Variants in ANXA8 observed in about 807,000 individuals in gnomAD.
ANXA8 encodes annexin A8.
ANXA8 carries 9 observed loss-of-function variants against 26.8 expected under a neutral mutation model. The ratio of observed to expected loss-of-function variants is 0.34; its 90% CI spans 0.20 to 0.59. The LOEUF (loss-of-function observed/expected upper bound fraction) is 0.59. Among genes scored for constraint, ANXA8 ranks in the 20% least tolerant of loss-of-function variants. The pLI is 0.84. For synonymous variants in ANXA8, 39 were observed against 94.8 expected (o/e 0.41, Z 3.42); for missense variants, 83 against 238.5 (o/e 0.35, Z 4.29).
chr10:47,701,700 A>G, the ANXA8 span, among the ~76,000 whole-genome samples: 1 of 151,788 alleles, frequency 6.6e-6, no homozygotes, highest in Non-Finnish European at 1.5e-5. Context: ...GGAAGGATAA[A>G]CCAGAAACTA....
chr10:47,678,719 G>A, the ANXA8 span, among the ~76,000 whole-genome samples: 1 of 151,768 alleles, frequency 6.6e-6, no homozygotes, highest in African/African-American at 2.4e-5. Context: ...AGAAAAGTGG[G>A]GAAAGGTAGA....
the ANXA8 span, among the ~76,000 whole-genome samples, chr10:47,575,219 G>A: frequency 7.9e-5 from 10 of 127,386 alleles, no homozygotes; most frequent in African/African-American, 1.8e-4. Context: ...AAAAAAAAAA[G>A]AAAGAAAGCA....
At chr10:47,682,473 T>C in the ANXA8 span, among the ~76,000 whole-genome samples, 22 of 133,014 alleles carry the variant, frequency 1.7e-4, no homozygotes, top group East Asian at 4.2e-4. Flanking sequence ...CTTTTTCTTT[T>C]TTTTTTTTTT....
chr10:47,685,392 GT>G, the ANXA8 span, among the ~76,000 whole-genome samples: 3 of 150,150 alleles, frequency 2.0e-5, no homozygotes, highest in Non-Finnish European at 4.4e-5. Context: ...AAAAAACCTT[GT>G]GTTTTGTGGA....
the ANXA8 span, among the ~76,000 whole-genome samples, chr10:47,939,334 C>T: frequency 1.7e-3 from 236 of 136,542 alleles, 22 homozygotes; most frequent in African/African-American, 6.6e-3. Flanking sequence ...GCACAAGTGG[C>T]ATGGTCTTGC....
chr10:47,955,934 T>C, the ANXA8 span: 7 of 85,638 alleles, frequency 8.2e-5, 1 homozygote, highest in South Asian at 3.1e-3. Context: ...TTTTCTTTCT[T>C]TATATCCTTA....
At chr10:47,732,727 T>G in the ANXA8 span, among the ~76,000 whole-genome samples, 1 of 147,922 alleles carries the variant, frequency 6.8e-6, no homozygotes, top group Non-Finnish European at 1.5e-5. Context: ...TTTTACATCT[T>G]TTTTTTTTTT....
the ANXA8 span, among the ~76,000 whole-genome samples, chr10:47,674,949 G>A: frequency 6.7e-6 from 1 of 150,286 alleles, no homozygotes; most frequent in Non-Finnish European, 1.5e-5. Flanking sequence ...AGTATATTTA[G>A]AGACTAAAGC....
At chr10:47,765,972 C>T in the ANXA8 span, among the ~76,000 whole-genome samples, 1 of 150,254 alleles carries the variant, frequency 6.7e-6, no homozygotes, top group Non-Finnish European at 1.5e-5. Flanking sequence ...CAAGATGAAC[C>T]CCCAGCATCT....
chr10:47,487,248 G>A, upstream of ANXA8: 1 of 1,244,154 alleles, frequency 8.0e-7, no homozygotes, highest in African/African-American at 1.5e-5. Context: ...TATTGAGACT[G>A]GGGAAGGGCC....
chr10:47,703,548 A>G, the ANXA8 span, among the ~76,000 whole-genome samples: 1 of 150,154 alleles, frequency 6.7e-6, no homozygotes, highest in Non-Finnish European at 1.5e-5. Context: ...AGCCTGGGCA[A>G]CAGAGTGAGA....
the ANXA8 span, chr10:47,503,311 G>C: frequency 6.3e-7 from 1 of 1,594,152 alleles, no homozygotes; most frequent in Admixed American, 1.7e-5. Context: ...GATGGTGTCA[G>C]CATGATTCTC....
At chr10:47,603,665 C>G in the ANXA8 span, among the ~76,000 whole-genome samples, 1 of 149,086 alleles carries the variant, frequency 6.7e-6, no homozygotes, top group Non-Finnish European at 1.5e-5. Flanking sequence ...GCAGGCACCA[C>G]CACGCCTGGC....
the ANXA8 span, among the ~76,000 whole-genome samples, chr10:47,523,963 C>T: frequency 3.3e-5 from 5 of 150,550 alleles, no homozygotes; most frequent in East Asian, 4.2e-4. Context: ...ATGCCCTCCC[C>T]GACACCTCAC....
chr10:47,565,038 A>G, the ANXA8 span: 1 of 805,710 alleles, frequency 1.2e-6, no homozygotes, highest in Non-Finnish European at 2.2e-6. Flanking sequence ...GCCATCGCCT[A>G]CATCATGAAG....
chr10:47,755,820 T>C, the ANXA8 span, among the ~76,000 whole-genome samples: 1 of 143,828 alleles, frequency 7.0e-6, no homozygotes, highest in South Asian at 2.3e-4. Context: ...CTGCTTAACC[T>C]GTTTCTAGGG....
At chr10:47,656,139 A>G in the ANXA8 span, among the ~76,000 whole-genome samples, 1 of 149,352 alleles carries the variant, frequency 6.7e-6, no homozygotes, top group Non-Finnish European at 1.5e-5. Flanking sequence ...GCTCACGCCT[A>G]TAATCCCAGC....
the ANXA8 span, among the ~76,000 whole-genome samples, chr10:47,643,421 C>T: frequency 6.2e-5 from 9 of 144,800 alleles, no homozygotes; most frequent in Non-Finnish European, 1.2e-4. Flanking sequence ...CCCAGCTACT[C>T]GGGAGGCTGA....
chr10:47,533,181 C>T, the ANXA8 span, among the ~76,000 whole-genome samples: 3 of 144,280 alleles, frequency 2.1e-5, no homozygotes, highest in Admixed American at 2.1e-4. Flanking sequence ...CAAGTAAACA[C>T]ACATCACACA....
Sources: allele counts gnomAD v4.1 joint callset (sites outside exome capture counted in the v4.1 genomes callset), GRCh38; gene constraint gnomAD v4.1.1; transcripts MANE v1.5; gene names NCBI Gene and HGNC (gene_info 2026-07-23, HGNC 2026-07-21).